The following DMXL1 variants were observed in gnomAD, a reference collection of about 807,000 sequenced individuals.
DMXL1 encodes the protein Dmx like 1.
Under a neutral mutation model 319.2 loss-of-function variants are expected in DMXL1, and 99 were observed. That is an observed-to-expected ratio of 0.31 (90% CI 0.26 to 0.37). The LOEUF (loss-of-function observed/expected upper bound fraction) is 0.37, where lower values mean the gene tolerates loss of function less well. Ranked by LOEUF, DMXL1 falls within the 10% of genes least tolerant of loss-of-function variation. The pLI, the probability that DMXL1 is intolerant of heterozygous loss-of-function variation, is 1.00. For missense variants in DMXL1, 3,745 were observed against 3,595.6 expected (o/e 1.04, Z -1.06); for synonymous variants, 1,385 against 1,235.2 (o/e 1.12, Z -2.54).
At chr5:119,071,953 T>C (rs1398257809) in intron 1 of DMXL1, among the ~76,000 whole-genome samples, 1 of 152,184 alleles carries the variant, frequency 6.6e-6, no homozygotes. Context: ...CAAAAATCTT[T>C]GTTGAGTAAC....
At chr5:119,100,413 G>C (rs1403066422) in intron 2 of DMXL1, among the ~76,000 whole-genome samples, 1 of 151,200 alleles carries the variant, frequency 6.6e-6, no homozygotes, top group African/African-American at 2.4e-5. Context: ...TTCAACCTGG[G>C]TAACAGTGTG....
rs191161263 is a variant in DMXL1 at position 119,071,157 on chromosome 5, C to T, written c.-413C>T. 1,565 of 223,172 alleles carry T rather than the reference C, an allele frequency of 7.0e-3. 13 individuals are homozygous for T. Among genetic ancestry groups the T allele is most frequent in the Non-Finnish European group, 9.6e-3 (1,066 of 110,582 alleles). 13.8% of individuals were successfully genotyped at this position (223,172 alleles called of 1,614,324 possible). ...CGGAGCCGGGAAGGGACAGGTCAGGCGGGGAGTGCGAGCGCGTACTGCTTG... is the reference window on the plus strand; with the variant it reads ...CGGAGCCGGGAAGGGACAGGTCAGGTGGGGAGTGCGAGCGCGTACTGCTTG... On this transcript the variant is annotated 5_prime_UTR_variant, in exon 1 of 44. Coordinates refer to ENST00000539542, the MANE Select transcript of DMXL1 (RefSeq NM_001290321.3).
At chr5:119,072,506 T>C (rs1749842705) in intron 1 of DMXL1, among the ~76,000 whole-genome samples, 1 of 152,192 alleles carries the variant, frequency 6.6e-6, no homozygotes, top group Non-Finnish European at 1.5e-5. Flanking sequence ...TGTCACTGCC[T>C]GGGAATACTA....
chr5:119,154,034 C>T (rs968180215), intron 19 of DMXL1, among the ~76,000 whole-genome samples: 1 of 152,148 alleles, frequency 6.6e-6, no homozygotes, highest in African/African-American at 2.4e-5. Context: ...TGAACTGCGC[C>T]TATGTAGGAC....
At chr5:119,176,276 G>T (rs1775782756) in intron 26 of DMXL1, among the ~76,000 whole-genome samples, 1 of 152,002 alleles carries the variant, frequency 6.6e-6, no homozygotes, top group African/African-American at 2.4e-5. Context: ...CTCAGGTGAA[G>T]ATCTTTTGTT....
chr5:119,113,489 C>T (rs796730595), intron 5 of DMXL1, among the ~76,000 whole-genome samples: 48 of 152,344 alleles, frequency 3.2e-4, no homozygotes, highest in African/African-American at 9.9e-4. Flanking sequence ...GGTCTGCCCA[C>T]TTCAGGCTCC....
intron 23 of DMXL1, among the ~76,000 whole-genome samples, chr5:119,168,186 A>C (rs542146832): frequency 6.4e-4 from 97 of 152,346 alleles, no homozygotes; most frequent in African/African-American, 2.2e-3. Flanking sequence ...TGTGTTTGTC[A>C]ATCAGTTTTA....
Position 119,166,618 on chromosome 5 carries a change from C to T in DMXL1, c.4973C>T (p.Ala1658Val). The T allele has an allele frequency of 6.3e-7, 1 of 1,598,780 alleles. No homozygotes were observed. The highest frequency in any genetic ancestry group is 8.5e-7 in the Non-Finnish European group (1 of 1,175,408). The part of the protein sequence containing the change: ...KKAVIWGLYR[A>V]EKNTRMTQFF... The stretch of plus-strand genomic sequence containing the variant: ...ACACCATTTTTTTTCCTTTATAGAG[C>T]TGAAAAAAACACCAGGATGACACAG... The change falls in exon 22 of 44, where the codon GCT (alanine) becomes GTT (valine). Residue 1658 changes from alanine (A) to valine (V), a missense_variant and splice_region_variant. Transcript: ENST00000539542.
intron 13 of DMXL1, among the ~76,000 whole-genome samples, chr5:119,137,226 A>G (rs966992684): frequency 1.3e-5 from 2 of 152,202 alleles, no homozygotes; most frequent in Non-Finnish European, 2.9e-5. Flanking sequence ...TCAGACTTGC[A>G]TGGGGCTTAT....
intron 28 of DMXL1, among the ~76,000 whole-genome samples, chr5:119,187,648 A>G (rs1370054747): frequency 6.6e-6 from 1 of 152,008 alleles, no homozygotes; most frequent in South Asian, 2.1e-4. Context: ...GTCCTGCTTC[A>G]TTAAAAGTGT....
intron 18 of DMXL1, 48 bp from the exon 19 acceptor site, chr5:119,151,881 C>A: frequency 7.7e-7 from 1 of 1,303,684 alleles, no homozygotes; most frequent in Non-Finnish European, 1.1e-6. Flanking sequence ...TGTTCTTTTG[C>A]TTACAATTTT....
chr5:119,223,726 CTT>C (rs1785045033), intron 37 of DMXL1, among the ~76,000 whole-genome samples: 3 of 151,878 alleles, frequency 2.0e-5, no homozygotes. Context: ...CTTTCAGAAA[CTT>C]TTTTAAACCT....
rs1194249754 is a variant in DMXL1, at chr5:119,248,768, C to T, written c.*1549C>T. ...TGTTGAGCAAGTTGCAGTGCAAACA[C>T]TGTCATTATGTAGAGAGTTTATATG... On this transcript the variant is annotated 3_prime_UTR_variant, in exon 44 of 44. Coordinates refer to ENST00000539542, the MANE Select transcript of DMXL1 (RefSeq NM_001290321.3). The T allele has an allele frequency of 1.3e-5, 2 of 152,462 alleles. No homozygotes were observed. Among genetic ancestry groups the T allele is most frequent in the East Asian group, 3.8e-4 (2 of 5,196 alleles). The allele number at this position is 152,462 out of a possible 1,614,324, so 9.4% of individuals were successfully genotyped here.
In DMXL1 at chr5:119,188,517, C is replaced by G. The variant is rs964879480; in HGVS notation, c.7136-1191C>G. Among the ~76,000 whole-genome samples, 3 of 152,300 alleles carry G rather than the reference C, an allele frequency of 2.0e-5. No individual in the cohort carries two copies. The East Asian group carries it at 5.8e-4, about 29-fold the overall frequency. ...AAATATCTCTATAGTTCTCACTTTTCACTTGATGAGAAGTTGGTAAACTAC... is the reference window on the plus strand; with the variant it reads ...AAATATCTCTATAGTTCTCACTTTTGACTTGATGAGAAGTTGGTAAACTAC... On this transcript the variant is annotated intron_variant, in intron 28 of 43. Transcript: ENST00000539542.
intron 38 of DMXL1, among the ~76,000 whole-genome samples, chr5:119,225,177 C>T (rs761259352): frequency 2.0e-5 from 3 of 151,848 alleles, no homozygotes; most frequent in Non-Finnish European, 4.4e-5. Context: ...CACAACCGTA[C>T]CTCAATTATT....
intron 34 of DMXL1, among the ~76,000 whole-genome samples, chr5:119,210,517 C>A (rs1040742703): frequency 9.9e-5 from 15 of 152,088 alleles, no homozygotes; most frequent in African/African-American, 3.1e-4. Flanking sequence ...TCAATTGTTA[C>A]AGCATTATTT....
rs576431383 is a variant in DMXL1 at position 119,240,785 on chromosome 5, A to G, written c.8704+314A>G. Among the ~76,000 whole-genome samples, 62 of 152,326 alleles carry G rather than the reference A, an allele frequency of 4.1e-4. 1 individual carries two copies. The highest frequency in any genetic ancestry group is 1.5e-3 in the African/African-American group (62 of 41,582). ...TGTCCCCTCTTACCACTCCTATTCA[A>G]CATTGCACTGGAATTCCTAGCTAAT... On this transcript the variant is annotated intron_variant, in intron 42 of 43. Coordinates refer to ENST00000539542, the MANE Select transcript of DMXL1 (RefSeq NM_001290321.3).
rs143428448 is a variant in DMXL1, at chr5:119,213,416, C to T, written c.7927-3485C>T. Among the ~76,000 whole-genome samples the T allele has an allele frequency of 5.5e-3, 840 of 152,290 alleles. 9 individuals are homozygous for T. The highest frequency in any genetic ancestry group is 0.019 in the African/African-American group (797 of 41,568). ...TTTCACCTACCCAAGAACTTGTCTT[C>T]AGTTCTTAATAACTGAAGCCCATCT... is the stretch of plus-strand genomic sequence containing the variant. On this transcript the variant is annotated intron_variant, in intron 34 of 43. Transcript: ENST00000539542.
At chr5:119,125,977 G>A (rs1763464684) in intron 9 of DMXL1, among the ~76,000 whole-genome samples, 1 of 152,146 alleles carries the variant, frequency 6.6e-6, no homozygotes, top group South Asian at 2.1e-4. Flanking sequence ...AACAATGGAA[G>A]AGTCAACTGT....
Sources: allele counts gnomAD v4.1 joint callset (sites outside exome capture counted in the v4.1 genomes callset), GRCh38; gene constraint gnomAD v4.1.1; transcripts MANE v1.5; gene names NCBI Gene and HGNC (gene_info 2026-07-23, HGNC 2026-07-21).